The following ATP10A variants were observed in gnomAD, a reference collection of about 807,000 sequenced individuals.
ATP10A encodes the protein ATPase phospholipid transporting 10A (putative), also known as phospholipid-transporting ATPase VA.
A neutral mutation model predicts 147.8 loss-of-function variants in ATP10A; 111 were observed. That is an observed-to-expected ratio of 0.75 (90% confidence interval 0.64 to 0.88). ATP10A has a LOEUF of 0.88. Among genes scored for constraint, ATP10A ranks in the 40% least tolerant of loss-of-function variants. ATP10A has a pLI of 0.00. For missense variants in ATP10A, 1,927 were observed against 1,959.0 expected (o/e 0.98, Z 0.31); for synonymous variants, 875 against 841.6 (o/e 1.04, Z -0.69).
chr15:25,858,769 A>G (rs562515606), intron 1 of ATP10A, among the ~76,000 whole-genome samples: 1 of 152,302 alleles, frequency 6.6e-6, no homozygotes, highest in African/African-American at 2.4e-5. Context: ...AGATTCAGGG[A>G]AAAGTCGCCT....
rs749628179 is a variant in ATP10A, at chr15:25,721,701, C to T, written c.1319G>A (p.Arg440Gln). The change falls in exon 7 of 21, where the codon CGA (arginine) becomes CAA (glutamine). Residue 440 changes from arginine (R) to glutamine (Q), a missense_variant. Transcript: ENST00000555815. Reference sequence around the variant, plus strand: ...TTCTACACCAGACACAGTGCATCTTCGGAAAACCATCTTATTCTCTGTCAA... The same window carrying T: ...TTCTACACCAGACACAGTGCATCTTTGGAAAACCATCTTATTCTCTGTCAA... ...GTLTENKMVF[R>Q]RCTVSGVEYS... The T allele has an allele frequency of 9.9e-6, 16 of 1,614,066 alleles. No homozygotes were observed. The Middle Eastern group carries it at 4.9e-4, about 50-fold the overall frequency.
intron 2 of ATP10A, among the ~76,000 whole-genome samples, chr15:25,755,171 C>G (rs1014126304): frequency 2.0e-5 from 3 of 152,120 alleles, no homozygotes. Flanking sequence ...CTGATACTCC[C>G]TAGACAGAAA....
At chr15:25,780,592 C>T (rs559013523) in intron 2 of ATP10A, among the ~76,000 whole-genome samples, 63 of 152,280 alleles carry the variant, frequency 4.1e-4, no homozygotes, top group Admixed American at 4.0e-3. Context: ...GATTCAGCTA[C>T]GAAGACCTCG....
chr15:25,827,380 A>T (rs1000247460), intron 1 of ATP10A, among the ~76,000 whole-genome samples: 1 of 152,228 alleles, frequency 6.6e-6, no homozygotes, highest in Non-Finnish European at 1.5e-5. Flanking sequence ...ATGCAAAGGT[A>T]GTTTTTCTTT....
chr15:25,806,996 C>T lies in ATP10A; in HGVS notation c.450-25773G>A, dbSNP rs191956840. ...ACCTCAGCTTACGCTTCCACTCACA[C>T]GTGTGTTTCCATCAAACGGAGGGGC... On this transcript the variant is annotated intron_variant, in intron 1 of 20. Coordinates refer to ENST00000555815, the MANE Select transcript of ATP10A (RefSeq NM_024490.4). Among the ~76,000 whole-genome samples, 8 of 152,314 alleles carry T rather than the reference C, an allele frequency of 5.3e-5. No homozygotes were observed. In the East Asian group the frequency reaches 1.2e-3, roughly 22 times the overall value.
rs114583460 is a variant in ATP10A, at chr15:25,814,780, G to A, written c.450-33557C>T. Among the ~76,000 whole-genome samples, 319 of 152,218 alleles carry A rather than the reference G, an allele frequency of 2.1e-3. 1 individual carries two copies. The highest frequency in any genetic ancestry group is 7.0e-3 in the African/African-American group (292 of 41,534). On this transcript the variant is annotated intron_variant, in intron 1 of 20. Transcript: ENST00000555815. ...TGTCTCATTTGGGAAGTCATTTGGC[G>A]TATAAAAAGTGCAAACACCTTTTAT... is the stretch of plus-strand genomic sequence containing the variant.
intron 2 of ATP10A, among the ~76,000 whole-genome samples, chr15:25,767,460 T>G (rs899155791): frequency 1.3e-5 from 2 of 152,128 alleles, no homozygotes; most frequent in Non-Finnish European, 2.9e-5. Flanking sequence ...GAGCCCAATG[T>G]TGGGTTTGCA....
intron 1 of ATP10A, among the ~76,000 whole-genome samples, chr15:25,794,099 A>G (rs916585873): frequency 1.3e-5 from 2 of 152,382 alleles, no homozygotes; most frequent in Non-Finnish European, 2.9e-5. Context: ...TTCACTGATT[A>G]TAAGGTCCCT....
rs201969933 is a variant in ATP10A at position 25,713,727 on chromosome 15, T to C, written c.2291A>G (p.Tyr764Cys). 6.2e-7 allele frequency: 1 copy of C among 1,614,070 alleles called. No individual in the cohort carries two copies. Among genetic ancestry groups the C allele is most frequent in the Non-Finnish European group, 8.5e-7 (1 of 1,180,002 alleles). The change falls in exon 10 of 21, where the codon TAC becomes TGC. Residue 764 changes from tyrosine (Y) to cysteine (C), a missense_variant. Coordinates refer to ENST00000555815, the MANE Select transcript of ATP10A (RefSeq NM_024490.4). ...RHPLTDEINVYTKGADSVVMD... is the reference protein window; with the variant it reads ...RHPLTDEINVCTKGADSVVMD... ...GACCACTGAGTCGGCCCCCTTGGTG[T>C]AGACGTTGATCTCATCGGTAAGCGG...
intron 1 of ATP10A, among the ~76,000 whole-genome samples, chr15:25,837,079 C>T (rs1892629495): frequency 6.6e-6 from 1 of 152,156 alleles, no homozygotes; most frequent in Non-Finnish European, 1.5e-5. Context: ...ACACAGTTAC[C>T]TCATTTTTTT....
intron 10 of ATP10A, chr15:25,709,337 G>A (rs186195442): frequency 1.3e-5 from 2 of 152,254 alleles, no homozygotes; most frequent in Admixed American, 1.3e-4. Flanking sequence ...TGTATTCCTG[G>A]TATCGTGGTA....
chr15:25,687,666 C>T (rs766307258), intron 16 of ATP10A, 37 bp downstream of exon 16: 2 of 1,410,156 alleles, frequency 1.4e-6, no homozygotes, highest in Non-Finnish European at 1.9e-6. Context: ...ACCGAACCTT[C>T]CAATCCCAAA....
In ATP10A at chr15:25,716,877, C is replaced by G. The variant is rs542291702; in HGVS notation, c.1629G>C (p.Glu543Asp). 1.9e-6 allele frequency: 3 copies of G among 1,603,768 alleles called. No individual in the cohort carries two copies. Among genetic ancestry groups the G allele is most frequent in the Non-Finnish European group, 2.6e-6 (3 of 1,175,080 alleles). Residue 543 changes from glutamate (E) to aspartate (D), a missense_variant, in exon 9 of 21, where the codon GAG becomes GAC. Physicochemically the swap from Glu to Asp is conservative, Grantham distance 45. Transcript: ENST00000555815. ...PDPKLLEKVS[E>D]CDKSLAVARH... ...TCGCCACGGCTAGGCTCTTGTCACA[C>G]TCACTCACCTTCTCCAGCAGCTTTG... is the stretch of plus-strand genomic sequence containing the variant.
At chr15:25,781,298 G>A (rs1889910959) in intron 1 of ATP10A, 75 bp from the exon 2 acceptor site, 1 of 1,227,700 alleles carries the variant, frequency 8.1e-7, no homozygotes, top group East Asian at 2.5e-5. Flanking sequence ...GGCACGTGGG[G>A]CTCATATGGC....
At chr15:25,756,614 G>A (rs1189430958) in intron 2 of ATP10A, among the ~76,000 whole-genome samples, 1 of 151,426 alleles carries the variant, frequency 6.6e-6, no homozygotes, top group East Asian at 1.9e-4. Flanking sequence ...CTGCACTCCA[G>A]CCTGGGCCAC....
intron 1 of ATP10A, chr15:25,862,042 A>C: frequency 3.0e-6 from 1 of 335,792 alleles, no homozygotes; most frequent in Non-Finnish European, 5.9e-6. Flanking sequence ...GTTAAGATGA[A>C]GAAAATTAGG....
chr15:25,690,072 T>C (rs1596688241), intron 15 of ATP10A, among the ~76,000 whole-genome samples: 1 of 152,116 alleles, frequency 6.6e-6, no homozygotes, highest in Non-Finnish European at 1.5e-5. Flanking sequence ...CAGTCGAAAA[T>C]CCACATACAA....
chr15:25,854,626 C>T (rs1423044952), intron 1 of ATP10A, among the ~76,000 whole-genome samples: 2 of 152,172 alleles, frequency 1.3e-5, no homozygotes, highest in Non-Finnish European at 2.9e-5. Context: ...GGAGTCATAA[C>T]AAGTAAATGG....
chr15:25,801,487 G>A (rs1227104596), intron 1 of ATP10A, among the ~76,000 whole-genome samples: 1 of 152,192 alleles, frequency 6.6e-6, no homozygotes, highest in African/African-American at 2.4e-5. Context: ...GCAGCGCTTA[G>A]CATCCTGCGT....
Sources: gnomAD v4.1 joint callset for allele counts (sites outside exome capture counted in the v4.1 genomes callset) on GRCh38, gnomAD v4.1.1 for gene constraint, MANE v1.5 for transcripts, NCBI Gene and HGNC (gene_info 2026-07-23, HGNC 2026-07-21) for gene names.